Variants in STK32B observed in about 807,000 individuals in gnomAD.
The protein encoded by STK32B is serine/threonine-protein kinase 32B.
Under a neutral mutation model 52.6 loss-of-function variants are expected in STK32B, and 43 were observed. That is an observed-to-expected ratio of 0.82 (90% CI 0.64 to 1.05). The LOEUF is 1.05. Among genes scored for constraint, STK32B ranks in the 50% least tolerant of loss-of-function variants. The pLI, the probability that STK32B is intolerant of heterozygous loss-of-function variation, is 0.00. For missense variants in STK32B, 621 were observed against 534.6 expected, an observed-to-expected ratio of 1.16 and a Z score of -1.59; for synonymous variants, 238 against 204.3, an observed-to-expected ratio of 1.17 and a Z score of -1.41.
intron 3 of STK32B, among the ~76,000 whole-genome samples, chr4:5,317,162 A>G (rs1731036319): frequency 1.6e-5 from 1 of 62,702 alleles, no homozygotes; most frequent in Non-Finnish European, 2.3e-5. Flanking sequence ...TACATATTAC[A>G]TATATATAAC....
intron 1 of STK32B, among the ~76,000 whole-genome samples, chr4:5,087,435 A>G (rs1314981144): frequency 6.6e-6 from 1 of 152,014 alleles, no homozygotes. Flanking sequence ...TAGCAAAAAT[A>G]AATTCTTCCT....
intron 1 of STK32B, among the ~76,000 whole-genome samples, chr4:5,103,809 C>T (rs1032647369): frequency 1.3e-5 from 2 of 152,114 alleles, no homozygotes; most frequent in Non-Finnish European, 2.9e-5. Context: ...TTTGCCAGTA[C>T]GATGAGTATG....
rs559061692 is a variant in STK32B, at chr4:5,394,381, G to A, written c.435-3826G>A. The stretch of plus-strand genomic sequence containing the variant: ...AAACCCGTTTTCAACAGGATGACGC[G>A]CTGGAGCTGAGATACGATCAATGTG... On this transcript the variant is annotated intron_variant, in intron 4 of 11. Coordinates refer to ENST00000282908, the MANE Select transcript of STK32B (RefSeq NM_018401.3). This position sits in a 1 kb window ranked among gnomAD's most constrained non-coding sequence, Gnocchi z 4.2. Among the ~76,000 whole-genome samples, 341 of 152,290 alleles carry A rather than the reference G, an allele frequency of 2.2e-3. 1 individual carries two copies. The highest frequency in any genetic ancestry group is 3.6e-3 in the Non-Finnish European group (246 of 68,026).
chr4:5,438,962 A>G (rs1443358834), intron 6 of STK32B, among the ~76,000 whole-genome samples: 1 of 151,794 alleles, frequency 6.6e-6, no homozygotes, highest in African/African-American at 2.4e-5. Context: ...ATAGTATTCC[A>G]TGGTGTGTAT....
At chr4:5,221,360 G>A (rs1424449328) in intron 3 of STK32B, among the ~76,000 whole-genome samples, 1 of 152,166 alleles carries the variant, frequency 6.6e-6, no homozygotes, top group African/African-American at 2.4e-5. Context: ...ATTAGCAGGA[G>A]TTGGTGGCCA....
chr4:5,400,389 T>A lies in STK32B; in HGVS notation c.472+2145T>A, dbSNP rs1737213626. On this transcript the variant is annotated intron_variant, in intron 5 of 11. Coordinates refer to ENST00000282908, the MANE Select transcript of STK32B (RefSeq NM_018401.3). The surrounding 1 kb of genome is among the most constrained non-coding windows in gnomAD (Gnocchi z 6.1). ...GTTCTGCCCCCTTGAGCTCCTCATC[T>A]TTTTCCACCCCCTGCTTGGCCTTCA... Among the ~76,000 whole-genome samples, 1 of 152,070 alleles carries A rather than the reference T, an allele frequency of 6.6e-6. No individual in the cohort carries two copies. Among genetic ancestry groups the A allele is most frequent in the Non-Finnish European group, 1.5e-5 (1 of 68,006 alleles).
chr4:5,281,019 TG>T (rs1465688784), intron 3 of STK32B, among the ~76,000 whole-genome samples: 2 of 152,038 alleles, frequency 1.3e-5, no homozygotes, highest in Non-Finnish European at 2.9e-5. Flanking sequence ...GAGGCGTGGC[TG>T]GGGATGCCTC....
intron 2 of STK32B, among the ~76,000 whole-genome samples, chr4:5,165,751 T>G (rs1718821090): frequency 6.6e-6 from 1 of 152,194 alleles, no homozygotes; most frequent in Admixed American, 6.5e-5. Flanking sequence ...CGTCATACCT[T>G]TGCCTCCTTG....
chr4:5,160,252 A>G (rs752623925), intron 2 of STK32B, among the ~76,000 whole-genome samples: 38 of 152,162 alleles, frequency 2.5e-4, no homozygotes, highest in Non-Finnish European at 5.1e-4. Context: ...CAGAAGAGAG[A>G]TGGATGCTGA....
At chr4:5,120,762 C>G (rs986013409) in intron 1 of STK32B, among the ~76,000 whole-genome samples, 3 of 151,640 alleles carry the variant, frequency 2.0e-5, no homozygotes, top group Non-Finnish European at 4.4e-5. Flanking sequence ...GTATCTGATG[C>G]CAAGCTTTTT....
chr4:5,184,643 G>T (rs1267524512), intron 3 of STK32B, among the ~76,000 whole-genome samples: 2 of 138,758 alleles, frequency 1.4e-5, no homozygotes, highest in African/African-American at 2.7e-5. Context: ...AGCTGAGATC[G>T]CACCACTGCA....
intron 1 of STK32B, among the ~76,000 whole-genome samples, chr4:5,105,854 C>T (rs1281262778): frequency 2.6e-5 from 4 of 152,038 alleles, no homozygotes; most frequent in East Asian, 1.9e-4. Flanking sequence ...TGAGCCACCA[C>T]GCCCGGCTGA....
chr4:5,195,859 A>G (rs2108769792), intron 3 of STK32B, among the ~76,000 whole-genome samples: 1 of 152,316 alleles, frequency 6.6e-6, no homozygotes, highest in East Asian at 1.9e-4. Flanking sequence ...CCTTTTTATC[A>G]ACTCACTTGA....
At chr4:5,344,859 G>A (rs1289005448) in intron 4 of STK32B, among the ~76,000 whole-genome samples, 1 of 151,926 alleles carries the variant, frequency 6.6e-6, no homozygotes, top group African/African-American at 2.4e-5. Context: ...GGCCAAGGTG[G>A]GAGGATCACT....
chr4:5,267,246 A>G (rs981700545), intron 3 of STK32B, among the ~76,000 whole-genome samples: 2 of 152,214 alleles, frequency 1.3e-5, no homozygotes, highest in East Asian at 1.9e-4. Context: ...TGTCCATTAT[A>G]GCTGAGTCAG....
In STK32B at chr4:5,168,016, G is replaced by A. The variant is rs1346928273; in HGVS notation, c.109-283G>A. 2.6e-5 allele frequency among the ~76,000 whole-genome samples: 4 copies of A among 152,188 alleles called. 1 individual carries two copies. Among genetic ancestry groups the A allele is most frequent in the Non-Finnish European group, 5.9e-5 (4 of 68,042 alleles). ...CTCGTGGGCTGTGAGCCCCTTGAGG[G>A]CAGGCCTGCTTCTTCCATCTTCTGT... is the stretch of plus-strand genomic sequence containing the variant. On this transcript the variant is annotated intron_variant, in intron 2 of 11. Coordinates refer to ENST00000282908, the MANE Select transcript of STK32B (RefSeq NM_018401.3).
chr4:5,243,346 A>G (rs1725183217), intron 3 of STK32B, among the ~76,000 whole-genome samples: 1 of 152,146 alleles, frequency 6.6e-6, no homozygotes, highest in South Asian at 2.1e-4. Context: ...AGCAATTGTG[A>G]ATGGGAGTTC....
intron 3 of STK32B, among the ~76,000 whole-genome samples, chr4:5,255,238 G>A (rs1726216183): frequency 6.6e-6 from 1 of 152,100 alleles, no homozygotes; most frequent in African/African-American, 2.4e-5. Flanking sequence ...CAGGGTTTTG[G>A]GGGATCAGGA....
rs531236698 is a variant in STK32B at position 5,262,689 on chromosome 4, A to G, written c.261-68531A>G. ...AGACAGCCACAATATATGGTTAAGTATTAACCAATTTTTTAAAGCATATTA... is the reference window on the plus strand; with the variant it reads ...AGACAGCCACAATATATGGTTAAGTGTTAACCAATTTTTTAAAGCATATTA... On this transcript the variant is annotated intron_variant, in intron 3 of 11. Transcript: ENST00000282908. Among the ~76,000 whole-genome samples, 15 of 152,146 alleles carry G rather than the reference A, an allele frequency of 9.9e-5. No individual in the cohort carries two copies. In the East Asian group the frequency reaches 1.9e-3, roughly 20 times the overall value.
Sources: gnomAD v4.1 joint callset for allele counts (sites outside exome capture counted in the v4.1 genomes callset) on GRCh38, gnomAD v4.1.1 for gene constraint, Gnocchi (gnomAD v3.1) non-coding constraint, MANE v1.5 for transcripts, NCBI Gene and HGNC (gene_info 2026-07-23, HGNC 2026-07-21) for gene names.